The following ERC2 variants were observed in gnomAD, a reference collection of about 807,000 sequenced individuals.
ERC2 encodes ERC protein 2.
Under a neutral mutation model 114.8 loss-of-function variants are expected in ERC2, and 42 were observed. The observed-to-expected ratio is 0.37, with a 90% CI of 0.29 to 0.47. ERC2 has a LOEUF of 0.47. Ranked by LOEUF, ERC2 falls within the 20% of genes least tolerant of loss-of-function variation. ERC2 has a pLI of 0.99. For missense variants in ERC2, 939 were observed against 1,150.7 expected (o/e 0.82, Z 2.66); for synonymous variants, 454 against 425.5 (o/e 1.07, Z -0.82).
At chr3:56,075,554 T>C (rs991412334) in intron 7 of ERC2, among the ~76,000 whole-genome samples, 1 of 152,308 alleles carries the variant, frequency 6.6e-6, no homozygotes, top group East Asian at 1.9e-4. Context: ...TCAAGTGATT[T>C]CCTTCTGGTA....
intron 15 of ERC2, among the ~76,000 whole-genome samples, chr3:55,733,621 G>T (rs1008679404): frequency 6.7e-6 from 1 of 150,306 alleles, no homozygotes; most frequent in Non-Finnish European, 1.5e-5. Context: ...GAACAAGGCA[G>T]CCCCATGAGA....
At chr3:56,337,714 A>C (rs1576487864) in intron 2 of ERC2, among the ~76,000 whole-genome samples, 1 of 152,142 alleles carries the variant, frequency 6.6e-6, no homozygotes, top group Non-Finnish European at 1.5e-5. Flanking sequence ...GTGAAGATAC[A>C]CCTACCCACT....
intron 6 of ERC2, among the ~76,000 whole-genome samples, chr3:56,115,642 T>G (rs1302617138): frequency 6.6e-6 from 1 of 152,180 alleles, no homozygotes; most frequent in Non-Finnish European, 1.5e-5. Flanking sequence ...AACAATTTTC[T>G]TGCATTATCA....
intron 3 of ERC2, among the ~76,000 whole-genome samples, chr3:56,264,085 T>G (rs188538034): frequency 2.8e-4 from 42 of 152,270 alleles, no homozygotes; most frequent in Admixed American, 2.6e-3. Flanking sequence ...ACAAAAAGCA[T>G]TTAACAAAGT....
chr3:55,607,378 G>T (rs2058684370), intron 17 of ERC2, among the ~76,000 whole-genome samples: 1 of 152,136 alleles, frequency 6.6e-6, no homozygotes, highest in Non-Finnish European at 1.5e-5. Flanking sequence ...CCAAGACTGG[G>T]GTGGGTCAGC....
chr3:55,817,813 G>A (rs2059963198), intron 14 of ERC2, among the ~76,000 whole-genome samples: 1 of 152,162 alleles, frequency 6.6e-6, no homozygotes, highest in African/African-American at 2.4e-5. Context: ...AACAATATCT[G>A]GAACACAAAC....
intron 17 of ERC2, among the ~76,000 whole-genome samples, chr3:55,567,432 G>A (rs930272407): frequency 2.0e-5 from 3 of 152,224 alleles, no homozygotes; most frequent in Admixed American, 1.3e-4. Context: ...GTCCTCATAA[G>A]TCATTTGGAT....
intron 17 of ERC2, among the ~76,000 whole-genome samples, chr3:55,649,016 C>G (rs1268207033): frequency 1.3e-5 from 2 of 152,148 alleles, no homozygotes; most frequent in East Asian, 1.9e-4. Flanking sequence ...CTTTCATCCC[C>G]CATCTCAGAA....
At chr3:56,033,217 C>T (rs143075938) in intron 7 of ERC2, among the ~76,000 whole-genome samples, 28 of 152,182 alleles carry the variant, frequency 1.8e-4, no homozygotes, top group Non-Finnish European at 2.8e-4. Context: ...CAGAGTGAGA[C>T]CCCATCTCTA....
At chr3:56,170,664 T>A (rs2082612192) in intron 4 of ERC2, among the ~76,000 whole-genome samples, 1 of 147,218 alleles carries the variant, frequency 6.8e-6, no homozygotes, top group Admixed American at 6.9e-5. Context: ...TGGCGAGATC[T>A]TGGCTCACTG....
At chr3:56,205,554 T>C (rs1012267176) in intron 3 of ERC2, among the ~76,000 whole-genome samples, 2 of 152,160 alleles carry the variant, frequency 1.3e-5, no homozygotes, top group African/African-American at 4.8e-5. Flanking sequence ...ACAATGTTGA[T>C]TCTTGGTATC....
chr3:56,223,785 G>C (rs2050081316), intron 3 of ERC2, among the ~76,000 whole-genome samples: 1 of 152,066 alleles, frequency 6.6e-6, no homozygotes, highest in African/African-American at 2.4e-5. Flanking sequence ...CTATTTCTAT[G>C]CTAAAAATTA....
chr3:55,529,916 T>C (rs754329296), intron 17 of ERC2, among the ~76,000 whole-genome samples: 1 of 152,182 alleles, frequency 6.6e-6, no homozygotes, highest in Non-Finnish European at 1.5e-5. Flanking sequence ...CATTGTATGG[T>C]CTGGAAGACT....
chr3:55,978,860 T>C (rs73831828), intron 12 of ERC2, among the ~76,000 whole-genome samples: 5,287 of 152,302 alleles, frequency 0.035, 173 homozygotes, highest in Middle Eastern at 0.11. Context: ...TAATATAAAC[T>C]AATAATAGGT....
rs2061677850 is a variant in ERC2, at chr3:55,674,038, A to G, written c.*39+9756T>C. On this transcript the variant is annotated intron_variant, in intron 17 of 17. Coordinates refer to ENST00000288221, the MANE Select transcript of ERC2 (RefSeq NM_015576.3). ...CTGCCAAGAACAAACCCAATGGGCA[A>G]CAGTGTACTCTTCCCAGCCTCTGCA... 2.6e-5 allele frequency among the ~76,000 whole-genome samples: 4 copies of G among 152,148 alleles called. No homozygotes were observed. The South Asian group carries it at 8.3e-4, about 32-fold the overall frequency.
intron 2 of ERC2, among the ~76,000 whole-genome samples, chr3:56,380,311 G>T (rs1271380663): frequency 6.6e-6 from 1 of 152,114 alleles, no homozygotes; most frequent in Non-Finnish European, 1.5e-5. Context: ...ATCCAAATTT[G>T]TCTGATTCTA....
At chr3:55,582,263 C>G (rs781227421) in intron 17 of ERC2, among the ~76,000 whole-genome samples, 5 of 152,220 alleles carry the variant, frequency 3.3e-5, no homozygotes, top group African/African-American at 4.8e-5. Context: ...AGAATTTAAC[C>G]TCTGTGAGGG....
At chr3:56,370,854 A>G (rs2150586990) in intron 2 of ERC2, among the ~76,000 whole-genome samples, 1 of 152,266 alleles carries the variant, frequency 6.6e-6, no homozygotes, top group South Asian at 2.1e-4. Context: ...TTGGCCTCCC[A>G]AAGTGTTGGG....
intron 1 of ERC2, among the ~76,000 whole-genome samples, chr3:56,442,526 G>A (rs566387244): frequency 6.6e-6 from 1 of 152,070 alleles, no homozygotes; most frequent in East Asian, 1.9e-4. Context: ...CAGCCAAGAA[G>A]TATTTATTAA....
Sources: allele counts gnomAD v4.1 joint callset (sites outside exome capture counted in the v4.1 genomes callset), GRCh38; gene constraint gnomAD v4.1.1; transcripts MANE v1.5; gene names NCBI Gene and HGNC (gene_info 2026-07-23, HGNC 2026-07-21).